ACER3: variants seen among roughly 807,000 people sequenced by gnomAD.
ACER3 encodes the protein alkCDase 3.
A neutral mutation model predicts 48.9 loss-of-function variants in ACER3; 16 were observed. The ratio of observed to expected loss-of-function variants is 0.33; its 90% CI spans 0.22 to 0.50. The LOEUF is 0.50. ACER3 is among the 20% of genes least tolerant of loss of function. ACER3 has a pLI of 0.98. For missense variants in ACER3, 227 were observed against 326.0 expected (o/e 0.70, Z 2.34); for synonymous variants, 109 against 107.8 (o/e 1.01, Z -0.07).
chr11:76,944,643 T>C (rs1364867557), intron 2 of ACER3, among the ~76,000 whole-genome samples: 7 of 152,192 alleles, frequency 4.6e-5, no homozygotes, highest in Non-Finnish European at 5.9e-5. Context: ...ATTCTTTCTT[T>C]TACTTTGACT....
intron 7 of ACER3, among the ~76,000 whole-genome samples, 199 bp downstream of exon 7, chr11:76,999,020 C>T (rs1948974437): frequency 6.6e-6 from 1 of 152,026 alleles, no homozygotes; most frequent in Admixed American, 6.6e-5. Context: ...CATGTGAAAA[C>T]TAGGGTTCCA....
chr11:76,983,891 C>T (rs1260206643), intron 4 of ACER3, among the ~76,000 whole-genome samples: 1 of 151,296 alleles, frequency 6.6e-6, no homozygotes, highest in South Asian at 2.1e-4. Flanking sequence ...CCCGGATTCA[C>T]GCGATTCTCC....
intron 1 of ACER3, among the ~76,000 whole-genome samples, chr11:76,913,066 C>T (rs973895536): frequency 6.6e-6 from 1 of 152,140 alleles, no homozygotes; most frequent in Admixed American, 6.5e-5. Context: ...TTGTAGTTCT[C>T]CTTGAAGAGG....
chr11:76,917,872 AAAAG>A (rs1452453626), intron 1 of ACER3, among the ~76,000 whole-genome samples: 97 of 149,896 alleles, frequency 6.5e-4, no homozygotes, highest in Non-Finnish European at 8.9e-4. Context: ...AAAAAAAAAA[AAAAG>A]AAAGAAAAGA....
At chr11:77,013,793 C>T (rs528412472) in intron 7 of ACER3, among the ~76,000 whole-genome samples, 7 of 152,240 alleles carry the variant, frequency 4.6e-5, no homozygotes, top group African/African-American at 1.7e-4. Context: ...TTCATAGCTG[C>T]TTTATTTGTA....
At chr11:76,930,869 A>G (rs1946981460) in intron 2 of ACER3, among the ~76,000 whole-genome samples, 1 of 152,012 alleles carries the variant, frequency 6.6e-6, no homozygotes, top group Admixed American at 6.5e-5. Context: ...TTTGCTGAGG[A>G]GAGCTTTACT....
At chr11:77,005,546 GA>G (rs1249024655) in intron 7 of ACER3, among the ~76,000 whole-genome samples, 1 of 152,066 alleles carries the variant, frequency 6.6e-6, no homozygotes, top group East Asian at 1.9e-4. Flanking sequence ...AGTCCCAGAT[GA>G]AAATGTCTCA....
intron 2 of ACER3, among the ~76,000 whole-genome samples, chr11:76,948,262 T>C (rs1947534559): frequency 8.0e-6 from 1 of 125,232 alleles, no homozygotes. Flanking sequence ...TGTGTGTGTG[T>C]GTAGGTGTGT....
chr11:76,866,647 G>C (rs1010843253), intron 1 of ACER3, among the ~76,000 whole-genome samples: 1 of 152,202 alleles, frequency 6.6e-6, no homozygotes, highest in Non-Finnish European at 1.5e-5. Context: ...ACCCTGCAAA[G>C]TGAAGACTGT....
Position 77,024,073 on chromosome 11 carries a change from C to CAAAAAAAA in ACER3, c.*3767_*3774dup, listed in dbSNP as rs56406202. The CAAAAAAAA allele has an allele frequency of 1.3e-4, 2 of 15,092 alleles. No homozygotes were observed. Among genetic ancestry groups the CAAAAAAAA allele is most frequent in the African/African-American group, 2.3e-4 (1 of 4,344 alleles). The allele number at this position is 15,092 out of a possible 1,614,324, so 0.9% of individuals were successfully genotyped here. A position where few individuals can be genotyped will look rare whatever the true frequency, so the allele number is the denominator to read the frequency against. ...TGGGCAACAGAGCGAGACTCTGTCT[C>CAAAAAAAA]AAAAAAAAAAAAAAAAAAAAAAAAA... On this transcript the variant is annotated 3_prime_UTR_variant, in exon 11 of 11. Transcript: ENST00000532485.
chr11:76,923,149 T>TA (rs35125945), intron 1 of ACER3, among the ~76,000 whole-genome samples: 75,473 of 148,060 alleles, frequency 0.51, 22,117 homozygotes, highest in Non-Finnish European at 0.67. Flanking sequence ...GAAGCAAAAT[T>TA]AAAAAAAAAA....
chr11:76,959,161 G>A (rs1227065069), intron 3 of ACER3, 130 bp downstream of exon 3: 16 of 1,542,526 alleles, frequency 1.0e-5, no homozygotes, highest in African/African-American at 5.5e-5. Context: ...CTTCAAGTCT[G>A]AGGATCCAAA....
At chr11:76,877,237 T>G (rs930134910) in intron 1 of ACER3, among the ~76,000 whole-genome samples, 1 of 152,148 alleles carries the variant, frequency 6.6e-6, no homozygotes, top group African/African-American at 2.4e-5. Flanking sequence ...AAAAAATCTT[T>G]GACTCATCAT....
intron 1 of ACER3, among the ~76,000 whole-genome samples, chr11:76,913,154 G>A (rs1392784553): frequency 3.3e-5 from 5 of 152,156 alleles, no homozygotes; most frequent in African/African-American, 1.2e-4. Context: ...ATTCACTCAT[G>A]ATTTGGCTCT....
In ACER3 at chr11:76,991,043, T is replaced by C. The variant is rs185902980; in HGVS notation, c.438+469T>C. 1.5e-3 allele frequency among the ~76,000 whole-genome samples: 223 copies of C among 152,342 alleles called. 2 individuals carry two copies. The highest frequency in any genetic ancestry group is 5.1e-3 in the African/African-American group (212 of 41,574). On this transcript the variant is annotated intron_variant, in intron 6 of 10. Transcript: ENST00000532485. ...ATGGTGATTTAAGTGCATGCCATCA[T>C]GACACCAGAGTGAAATAAAGAAGTA... is the stretch of plus-strand genomic sequence containing the variant.
chr11:76,947,714 A>G (rs560494405), intron 2 of ACER3, among the ~76,000 whole-genome samples: 5 of 152,364 alleles, frequency 3.3e-5, no homozygotes, highest in Admixed American at 3.3e-4. Flanking sequence ...CTAAATAGTA[A>G]CATTGAAGAA....
At chr11:76,971,412 C>T (rs184583756) in intron 3 of ACER3, among the ~76,000 whole-genome samples, 53 of 152,030 alleles carry the variant, frequency 3.5e-4, no homozygotes, top group African/African-American at 9.2e-4. Context: ...TGGTGGCACG[C>T]GCCCACAGTC....
At chr11:76,936,754 G>A (rs1947198343) in intron 2 of ACER3, among the ~76,000 whole-genome samples, 1 of 141,168 alleles carries the variant, frequency 7.1e-6, no homozygotes, top group Admixed American at 7.3e-5. Context: ...GTCTCGCTCT[G>A]TCGCCCAGGC....
chr11:76,870,006 T>C lies in ACER3; in HGVS notation c.103+8927T>C, dbSNP rs568322749. On this transcript the variant is annotated intron_variant, in intron 1 of 10. Coordinates refer to ENST00000532485, the MANE Select transcript of ACER3 (RefSeq NM_018367.7). ...CCTTCCAAGTAGATGGGACCACAGA[T>C]GCGGGACACCACACCTGGCTACTTT... 2.6e-5 allele frequency among the ~76,000 whole-genome samples: 4 copies of C among 151,958 alleles called. No homozygotes were observed. In the East Asian group the frequency reaches 7.8e-4, roughly 30 times the overall value.
Sources: gnomAD v4.1 joint callset for allele counts (sites outside exome capture counted in the v4.1 genomes callset) on GRCh38, gnomAD v4.1.1 for gene constraint, MANE v1.5 for transcripts, NCBI Gene and HGNC (gene_info 2026-07-23, HGNC 2026-07-21) for gene names.